The following NEXN variants were observed in gnomAD, a reference collection of about 807,000 sequenced individuals.
NEXN encodes nexilin.
NEXN carries 65 observed loss-of-function variants against 92.6 expected under a neutral mutation model. The observed-to-expected ratio is 0.70, with a 90% CI of 0.57 to 0.86. The LOEUF (loss-of-function observed/expected upper bound fraction) is 0.86. NEXN is among the 40% of genes least tolerant of loss of function. NEXN has a pLI of 0.00. For missense variants in NEXN, 778 were observed against 771.1 expected, an observed-to-expected ratio of 1.01 and a Z score of -0.11; for synonymous variants, 254 against 242.5, an observed-to-expected ratio of 1.05 and a Z score of -0.44.
chr1:77,941,957 G>C (rs1383325762), intron 11 of NEXN, 66 bp from the exon 12 acceptor site: 2 of 1,486,502 alleles, frequency 1.3e-6, no homozygotes, highest in African/African-American at 2.8e-5. Context: ...AACACCTTTA[G>C]AACTAGTAAC....
intron 1 of NEXN, among the ~76,000 whole-genome samples, chr1:77,900,152 C>T (rs1647581025): frequency 6.6e-6 from 1 of 152,174 alleles, no homozygotes; most frequent in South Asian, 2.1e-4. Flanking sequence ...ACTGACTGGA[C>T]AATTTTATAG....
intron 1 of NEXN, among the ~76,000 whole-genome samples, chr1:77,891,765 A>C (rs1647113097): frequency 6.6e-6 from 1 of 151,758 alleles, no homozygotes; most frequent in African/African-American, 2.4e-5. Context: ...AAAAAAAAAA[A>C]AAAAATCAAA....
intron 6 of NEXN, 105 bp downstream of exon 6, chr1:77,925,334 A>G: frequency 1.2e-6 from 1 of 826,062 alleles, no homozygotes; most frequent in East Asian, 2.7e-5. Context: ...TATTTTTATT[A>G]TAAATGTAGA....
intron 1 of NEXN, among the ~76,000 whole-genome samples, chr1:77,890,081 A>C (rs897809968): frequency 6.6e-6 from 1 of 152,178 alleles, no homozygotes; most frequent in Non-Finnish European, 1.5e-5. Flanking sequence ...TGCATAATTA[A>C]TCAAATGAGA....
In NEXN at chr1:77,941,902, A is replaced by G. The variant is rs1257057606; in HGVS notation, c.1474-121A>G. On this transcript the variant is annotated intron_variant, in intron 11 of 12. Coordinates refer to ENST00000334785, the MANE Select transcript of NEXN (RefSeq NM_144573.4). ...GAAAAAATCTGAGTGTCTGCAGTGT[A>G]GCAAAAATATGCATTATAAACATGT... 4 of 968,524 alleles carry G rather than the reference A, an allele frequency of 4.1e-6. No individual in the cohort carries two copies. The East Asian group carries it at 1.0e-4, about 25-fold the overall frequency. The allele number at this position is 968,524 out of a possible 1,614,324, so 60.0% of individuals were successfully genotyped here.
chr1:77,927,017 T>C (rs1649904535), intron 8 of NEXN, 125 bp downstream of exon 8: 2 of 1,248,932 alleles, frequency 1.6e-6, no homozygotes, highest in Non-Finnish European at 2.3e-6. Context: ...ATTGTATTCA[T>C]ATTTCATATA....
chr1:77,892,639 T>G (rs539120826), intron 1 of NEXN, among the ~76,000 whole-genome samples: 25 of 152,302 alleles, frequency 1.6e-4, no homozygotes, highest in African/African-American at 5.8e-4. Context: ...GAACTGGGAC[T>G]TTAAACATTG....
chr1:77,936,178 T>C lies in NEXN; in HGVS notation c.1473+134T>C, dbSNP rs141027058. On this transcript the variant is annotated intron_variant, in intron 11 of 12. Transcript: ENST00000334785. Reference sequence around the variant, plus strand: ...TATATACAGTAATCTGGGAAGTAAATAGCAAAACACATGTAGATCTTAGAC... The same window carrying C: ...TATATACAGTAATCTGGGAAGTAAACAGCAAAACACATGTAGATCTTAGAC... 4.8e-5 allele frequency: 32 copies of C among 664,450 alleles called. No homozygotes were observed. In the East Asian group the frequency reaches 5.3e-4, roughly 11 times the overall value. 41.2% of individuals were successfully genotyped at this position (664,450 alleles called of 1,614,324 possible).
At chr1:77,903,430 C>T (rs1048977878) in intron 1 of NEXN, among the ~76,000 whole-genome samples, 8 of 151,980 alleles carry the variant, frequency 5.3e-5, no homozygotes, top group African/African-American at 1.4e-4. Flanking sequence ...ACTTGGATTC[C>T]GGCACCTATT....
intron 11 of NEXN, among the ~76,000 whole-genome samples, chr1:77,941,236 CAA>C (rs952839152): frequency 2.3e-4 from 23 of 99,380 alleles, no homozygotes; most frequent in Non-Finnish European, 4.2e-4. Context: ...AGTTAGAAAC[CAA>C]AAGTCAAGAA....
chr1:77,913,643 T>C lies in NEXN; in HGVS notation c.-52-2412T>C, dbSNP rs1477478559. Reference sequence around the variant, plus strand: ...AATTCAGAACACTGACAACATCAAATGCAGGTGAGGATATGGAGCAATATG... The same window carrying C: ...AATTCAGAACACTGACAACATCAAACGCAGGTGAGGATATGGAGCAATATG... On this transcript the variant is annotated intron_variant, in intron 1 of 12. Coordinates refer to ENST00000334785, the MANE Select transcript of NEXN (RefSeq NM_144573.4). Among the ~76,000 whole-genome samples the C allele has an allele frequency of 2.0e-5, 3 of 152,148 alleles. No homozygotes were observed. The South Asian group carries it at 6.2e-4, about 31-fold the overall frequency.
At chr1:77,899,847 T>C (rs1218580076) in intron 1 of NEXN, among the ~76,000 whole-genome samples, 2 of 152,078 alleles carry the variant, frequency 1.3e-5, no homozygotes, top group African/African-American at 4.8e-5. Flanking sequence ...ACTTCCAAAA[T>C]GTCTCTTCCA....
chr1:77,925,272 T>A (rs757711390), intron 6 of NEXN, 43 bp downstream of exon 6: 17 of 1,344,946 alleles, frequency 1.3e-5, no homozygotes, highest in Non-Finnish European at 1.8e-5. Context: ...CCTAAAATTA[T>A]CTGATTCACA....
intron 1 of NEXN, among the ~76,000 whole-genome samples, chr1:77,898,173 A>G (rs1309037141): frequency 6.6e-6 from 1 of 152,212 alleles, no homozygotes; most frequent in Non-Finnish European, 1.5e-5. Flanking sequence ...TAAAGTTCAT[A>G]TGGAACCAAA....
intron 9 of NEXN, 41 bp downstream of exon 9, chr1:77,929,545 C>CT (rs755222836): frequency 1.2e-6 from 2 of 1,609,014 alleles, no homozygotes; most frequent in Non-Finnish European, 1.7e-6. Flanking sequence ...TAGAATTCAC[C>CT]TTTGAGAATA....
chr1:77,938,824 G>A (rs1651009620), intron 11 of NEXN, among the ~76,000 whole-genome samples: 2 of 152,094 alleles, frequency 1.3e-5, no homozygotes, highest in African/African-American at 4.8e-5. Context: ...TTAACTCAGA[G>A]GTTGTAAAAA....
At chr1:77,907,088 C>T (rs910485239) in intron 1 of NEXN, among the ~76,000 whole-genome samples, 1 of 152,204 alleles carries the variant, frequency 6.6e-6, no homozygotes, top group African/African-American at 2.4e-5. Flanking sequence ...CTTGGATTAT[C>T]TTCATCATTA....
intron 1 of NEXN, among the ~76,000 whole-genome samples, chr1:77,895,029 ATTTTTTTT>A (rs559226754): frequency 6.5e-5 from 4 of 61,630 alleles, no homozygotes; most frequent in Admixed American, 2.4e-4. Flanking sequence ...CTATAGTGTA[ATTTTTTTT>A]TTTTTTTTTT....
At position 77,942,468 on chromosome 1, in the gene NEXN, A is replaced by G; in HGVS notation, c.1667A>G (p.Glu556Gly). ...EIDAALQKKR[E>G]EEEEEEGSIM... is the part of the protein sequence containing the mutation. ...GCATTTATTTTAATACAGAAAAGAGAAGAGGAGGAGGAGGAAGAAGGTAGC... is the reference window on the plus strand; with the variant it reads ...GCATTTATTTTAATACAGAAAAGAGGAGAGGAGGAGGAGGAAGAAGGTAGC... The change falls in exon 13 of 13, where the codon GAA (glutamate) becomes GGA (glycine). Residue 556 changes from glutamate (E) to glycine (G), a missense_variant. By Grantham distance (98) the Glu-to-Gly change is moderately conservative. Transcript: ENST00000334785. 1 of 1,613,550 alleles carries G rather than the reference A, an allele frequency of 6.2e-7. No individual in the cohort carries two copies. Among genetic ancestry groups the G allele is most frequent in the Non-Finnish European group, 8.5e-7 (1 of 1,179,654 alleles).
Sources: gnomAD v4.1 joint callset for allele counts (sites outside exome capture counted in the v4.1 genomes callset) on GRCh38, gnomAD v4.1.1 for gene constraint, MANE v1.5 for transcripts, NCBI Gene and HGNC (gene_info 2026-07-23, HGNC 2026-07-21) for gene names.